The following SLC67A2 variants were observed in gnomAD, a reference collection of about 807,000 sequenced individuals.
SLC67A2 encodes solute carrier family 67 member A2.
At chr2:102,731,558 A>G in the SLC67A2 span, among the ~76,000 whole-genome samples, 1 of 152,282 alleles carries the variant, frequency 6.6e-6, no homozygotes, top group Admixed American at 6.5e-5. Context: ...TTTTACCTCC[A>G]TTATCATGCA....
the SLC67A2 span, among the ~76,000 whole-genome samples, chr2:102,735,411 T>C: frequency 6.6e-6 from 1 of 151,838 alleles, no homozygotes; most frequent in African/African-American, 2.4e-5. Flanking sequence ...GCATGGAGAG[T>C]GCATGAAACT....
At chr2:102,729,630 T>A in the SLC67A2 span, among the ~76,000 whole-genome samples, 1 of 152,164 alleles carries the variant, frequency 6.6e-6, no homozygotes, top group Non-Finnish European at 1.5e-5. Context: ...TTTATATCAT[T>A]AAGGCAATGA....
At chr2:102,718,600 C>A in the SLC67A2 span, 1 of 1,613,390 alleles carries the variant, frequency 6.2e-7, no homozygotes. Context: ...TCACAGACTG[C>A]CCCACGCCAA....
the SLC67A2 span, among the ~76,000 whole-genome samples, chr2:102,724,716 C>A: frequency 6.6e-6 from 1 of 152,188 alleles, no homozygotes; most frequent in Admixed American, 6.5e-5. Context: ...TGATGTGACA[C>A]AGCGTTTCTC....
At chr2:102,731,088 A>G in the SLC67A2 span, 7 of 1,611,154 alleles carry the variant, frequency 4.3e-6, no homozygotes, top group Non-Finnish European at 5.9e-6. Flanking sequence ...ACAAATCAAT[A>G]ACAATAAAAT....
chr2:102,721,715 CTTTA>C, the SLC67A2 span, among the ~76,000 whole-genome samples: 2 of 151,488 alleles, frequency 1.3e-5, no homozygotes, highest in Non-Finnish European at 2.9e-5. Context: ...ATATGTATGT[CTTTA>C]TTTGAGACAG....
chr2:102,718,045 C>T, the SLC67A2 span: 1 of 176,742 alleles, frequency 5.7e-6, no homozygotes, highest in South Asian at 1.6e-4. Context: ...CTTGTGGTTT[C>T]TTCCCTTCCT....
chr2:102,725,715 G>T, the SLC67A2 span, among the ~76,000 whole-genome samples: 1 of 152,048 alleles, frequency 6.6e-6, no homozygotes, highest in Non-Finnish European at 1.5e-5. Flanking sequence ...ATGTTGGGGG[G>T]GCTGAACTCT....
the SLC67A2 span, among the ~76,000 whole-genome samples, chr2:102,734,368 C>A: frequency 1.3e-5 from 2 of 152,096 alleles, no homozygotes; most frequent in African/African-American, 4.8e-5. Flanking sequence ...CTAAACAAAA[C>A]GGGCCTCAAG....
the SLC67A2 span, chr2:102,736,593 C>A: frequency 1.2e-6 from 2 of 1,613,400 alleles, no homozygotes; most frequent in South Asian, 1.1e-5. Flanking sequence ...CGCCTGGGTC[C>A]CCAGGCCCGA....
At chr2:102,723,974 C>T in the SLC67A2 span, 4 of 1,349,272 alleles carry the variant, frequency 3.0e-6, no homozygotes, top group East Asian at 2.3e-5. Flanking sequence ...ACTTATGATC[C>T]TGTGCTTAAC....
chr2:102,719,049 G>T, the SLC67A2 span: 1 of 1,614,218 alleles, frequency 6.2e-7, no homozygotes. Context: ...TCGACCCAGG[G>T]CTGGGCAGTC....
chr2:102,719,471 C>T, the SLC67A2 span, among the ~76,000 whole-genome samples: 1 of 152,152 alleles, frequency 6.6e-6, no homozygotes, highest in South Asian at 2.1e-4. Context: ...AGCTCAAAAG[C>T]CTATGATAGT....
chr2:102,736,269 A>T, the SLC67A2 span, among the ~76,000 whole-genome samples: 1 of 152,054 alleles, frequency 6.6e-6, no homozygotes, highest in Non-Finnish European at 1.5e-5. Flanking sequence ...CTACCTCACC[A>T]GCAGCCGCAC....
the SLC67A2 span, among the ~76,000 whole-genome samples, chr2:102,727,174 AT>A: frequency 5.3e-3 from 783 of 146,554 alleles, 6 homozygotes; most frequent in African/African-American, 0.015. Flanking sequence ...AACACAATGT[AT>A]TTTTTTTTTT....
At chr2:102,715,569 G>A in the SLC67A2 span, among the ~76,000 whole-genome samples, 1 of 152,108 alleles carries the variant, frequency 6.6e-6, no homozygotes, top group South Asian at 2.1e-4. Context: ...CATGAGGGCA[G>A]AGGCCTACCT....
the SLC67A2 span, among the ~76,000 whole-genome samples, chr2:102,720,276 C>A: frequency 1.3e-5 from 2 of 152,136 alleles, no homozygotes; most frequent in African/African-American, 4.8e-5. Context: ...GGAAAACCAA[C>A]CACATGAGAA....
chr2:102,723,961 C>T, the SLC67A2 span: 1 of 1,420,140 alleles, frequency 7.0e-7, no homozygotes, highest in Non-Finnish European at 1.0e-6. Context: ...CCATAAGTAT[C>T]TTACTTATGA....
At chr2:102,732,179 T>G in the SLC67A2 span, 1 of 781,458 alleles carries the variant, frequency 1.3e-6, no homozygotes, top group African/African-American at 1.7e-5. Context: ...GGTAATATTT[T>G]AAAATATTCT....
Sources: gnomAD v4.1 joint callset for allele counts (sites outside exome capture counted in the v4.1 genomes callset) on GRCh38, gnomAD v4.1.1 for gene constraint, MANE v1.5 for transcripts, NCBI Gene and HGNC (gene_info 2026-07-23, HGNC 2026-07-21) for gene names.